Variants in TBC1D4 observed in about 807,000 individuals in gnomAD.
TBC1D4 encodes the protein TBC1 domain family member 4, also known as TBC (Tre-2, BUB2, CDC16) domain-containing protein.
A neutral mutation model predicts 142.5 loss-of-function variants in TBC1D4; 121 were observed. The ratio of observed to expected loss-of-function variants is 0.85; its 90% CI spans 0.73 to 0.99. TBC1D4 has a LOEUF of 0.99. Among genes scored for constraint, TBC1D4 ranks in the 50% least tolerant of loss-of-function variants. The pLI, the probability that TBC1D4 is intolerant of heterozygous loss-of-function variation, is 0.00. For synonymous variants in TBC1D4, 630 were observed against 628.2 expected (o/e 1.00, Z -0.04); for missense variants, 1,475 against 1,606.6 (o/e 0.92, Z 1.40).
intron 10 of TBC1D4, 132 bp from the exon 11 acceptor site, chr13:75,324,533 T>C (rs1023322207): frequency 9.5e-7 from 1 of 1,052,482 alleles, no homozygotes; most frequent in African/African-American, 1.6e-5. Flanking sequence ...GGCTGGATCT[T>C]ACATGAAAAA....
intron 1 of TBC1D4, among the ~76,000 whole-genome samples, chr13:75,456,937 C>T (rs1476300315): frequency 6.6e-6 from 1 of 151,768 alleles, no homozygotes; most frequent in African/African-American, 2.4e-5. Context: ...AGTATACATA[C>T]TACAAGAATA....
chr13:75,378,516 C>T (rs717057), intron 1 of TBC1D4, among the ~76,000 whole-genome samples: 40,440 of 151,982 alleles, frequency 0.27, 5,576 homozygotes, highest in East Asian at 0.34. Context: ...ATAGAATTTT[C>T]TCTTTTGTTA....
rs79288470 is a variant in TBC1D4, at chr13:75,395,457, A to G, written c.499-32850T>C. On this transcript the variant is annotated intron_variant, in intron 1 of 20. Transcript: ENST00000377636. The stretch of plus-strand genomic sequence containing the variant: ...ATCTGTATACAATCAAAGGCTATTT[A>G]TAAAGATTCCTGGTATTTCTCTATG... Among the ~76,000 whole-genome samples the G allele has an allele frequency of 5.6e-3, 857 of 152,360 alleles. 9 individuals are homozygous for G. Among genetic ancestry groups the G allele is most frequent in the South Asian group, 0.016 (79 of 4,834 alleles).
chr13:75,361,173 A>G lies in TBC1D4; in HGVS notation c.1080+853T>C, dbSNP rs76393645. Among the ~76,000 whole-genome samples the G allele has an allele frequency of 6.9e-4, 105 of 152,238 alleles. No individual in the cohort carries two copies. In the East Asian group the frequency reaches 0.019, roughly 28 times the overall value. On this transcript the variant is annotated intron_variant, in intron 2 of 20. Coordinates refer to ENST00000377636, the MANE Select transcript of TBC1D4 (RefSeq NM_014832.5). ...TATACCAATACTACAGCTTGCATCA[A>G]ATTATTTTAGTATCCAATTCAGTAC...
At chr13:75,447,115 T>C (rs9543929) in intron 1 of TBC1D4, among the ~76,000 whole-genome samples, 18,912 of 152,286 alleles carry the variant, frequency 0.12, 1,487 homozygotes, top group East Asian at 0.3. Context: ...TTACAGGAGT[T>C]ACTTTTAGTC....
intron 1 of TBC1D4, among the ~76,000 whole-genome samples, chr13:75,420,593 C>T (rs1886122959): frequency 6.6e-6 from 1 of 152,186 alleles, no homozygotes; most frequent in South Asian, 2.1e-4. Flanking sequence ...GATATTTCTA[C>T]TTTGAAGAAG....
chr13:75,473,029 C>G (rs1424530154), intron 1 of TBC1D4, among the ~76,000 whole-genome samples: 1 of 152,136 alleles, frequency 6.6e-6, no homozygotes, highest in East Asian at 1.9e-4. Context: ...ACAGAGTAAG[C>G]TGTCGCCCAG....
chr13:75,394,239 G>T (rs779380533), intron 1 of TBC1D4, among the ~76,000 whole-genome samples: 1 of 152,150 alleles, frequency 6.6e-6, no homozygotes, highest in African/African-American at 2.4e-5. Context: ...TGCAAACTCA[G>T]ATATTTAAAA....
chr13:75,310,149 C>A lies in TBC1D4; in HGVS notation c.2386G>T (p.Gly796Ter). Reference sequence around the variant, plus strand: ...GGCAGCAGCTCGTTCCTGTCCAATCCATCTGCAGAGAAGAACACAGTGAGA... The same window carrying A: ...GGCAGCAGCTCGTTCCTGTCCAATCAATCTGCAGAGAAGAACACAGTGAGA... The part of the protein sequence containing the change: ...KSPSAMQQQD[G>*]LDRNELLPLS... Residue 796 changes from glycine to a stop codon, truncating the protein, a stop_gained and splice_region_variant, in exon 14 of 21, where the codon GGA becomes TGA. Coordinates refer to ENST00000377636, the MANE Select transcript of TBC1D4 (RefSeq NM_014832.5). LOFTEE classifies it high-confidence loss of function. The A allele has an allele frequency of 6.2e-7, 1 of 1,613,374 alleles. No individual in the cohort carries two copies. The highest frequency in any genetic ancestry group is 8.5e-7 in the Non-Finnish European group (1 of 1,179,666).
At chr13:75,343,901 C>T (rs1196978097) in intron 5 of TBC1D4, among the ~76,000 whole-genome samples, 6 of 152,184 alleles carry the variant, frequency 3.9e-5, no homozygotes, top group East Asian at 1.9e-4. Flanking sequence ...AATGCAATGG[C>T]GTGATCTCAG....
At chr13:75,372,549 C>T (rs778180317) in intron 1 of TBC1D4, among the ~76,000 whole-genome samples, 1 of 152,198 alleles carries the variant, frequency 6.6e-6, no homozygotes, top group Admixed American at 6.5e-5. Context: ...GGATTATAGG[C>T]GTGAGCCTCC....
At chr13:75,361,452 C>T (rs1222519132) in intron 2 of TBC1D4, among the ~76,000 whole-genome samples, 1 of 152,310 alleles carries the variant, frequency 6.6e-6, no homozygotes, top group African/African-American at 2.4e-5. Flanking sequence ...TCAATCTCAG[C>T]TCACTACAAC....
chr13:75,308,445 C>T (rs901381161), intron 14 of TBC1D4, among the ~76,000 whole-genome samples: 2 of 152,122 alleles, frequency 1.3e-5, no homozygotes, highest in Admixed American at 6.5e-5. Flanking sequence ...ACTATTTGAC[C>T]TTAGGTTAAT....
intron 1 of TBC1D4, among the ~76,000 whole-genome samples, chr13:75,366,290 T>C (rs1882903391): frequency 6.6e-6 from 1 of 152,210 alleles, no homozygotes; most frequent in Non-Finnish European, 1.5e-5. Flanking sequence ...TCAAGACCTC[T>C]GGGAATAGTT....
At chr13:75,465,260 T>G (rs1403596057) in intron 1 of TBC1D4, among the ~76,000 whole-genome samples, 4 of 152,178 alleles carry the variant, frequency 2.6e-5, no homozygotes, top group Non-Finnish European at 5.9e-5. Flanking sequence ...CCCACTCCTC[T>G]GCAAAATTTT....
At chr13:75,471,797 C>T (rs1345992540) in intron 1 of TBC1D4, among the ~76,000 whole-genome samples, 1 of 150,564 alleles carries the variant, frequency 6.6e-6, no homozygotes, top group Non-Finnish European at 1.5e-5. Flanking sequence ...GCCTACCTGC[C>T]TCAAATTAGA....
intron 1 of TBC1D4, among the ~76,000 whole-genome samples, chr13:75,454,305 G>A (rs1177156280): frequency 1.3e-5 from 2 of 152,080 alleles, no homozygotes; most frequent in Admixed American, 6.6e-5. Flanking sequence ...TGTGATCCAT[G>A]GCACCTGGCC....
intron 8 of TBC1D4, among the ~76,000 whole-genome samples, chr13:75,330,492 C>T (rs1879656917): frequency 1.3e-5 from 2 of 152,176 alleles, no homozygotes; most frequent in Non-Finnish European, 2.9e-5. Context: ...CTCACTTAAT[C>T]CTCATACCAG....
At chr13:75,370,445 C>T (rs531935907) in intron 1 of TBC1D4, among the ~76,000 whole-genome samples, 1 of 152,296 alleles carries the variant, frequency 6.6e-6, no homozygotes, top group South Asian at 2.1e-4. Flanking sequence ...CTACTGCACT[C>T]ATCCAGGGTG....
Sources: gnomAD v4.1 joint callset for allele counts (sites outside exome capture counted in the v4.1 genomes callset) on GRCh38, gnomAD v4.1.1 for gene constraint, MANE v1.5 for transcripts, NCBI Gene and HGNC (gene_info 2026-07-23, HGNC 2026-07-21) for gene names.